The following RAD51B variants were observed in gnomAD, a reference collection of about 807,000 sequenced individuals.
The protein encoded by RAD51B is DNA repair protein RAD51 homolog 2.
In RAD51B, 38 loss-of-function variants were observed where a neutral mutation model predicts 42.2. The observed-to-expected ratio is 0.90, with a 90% confidence interval of 0.70 to 1.18. RAD51B has a LOEUF of 1.18. Ranked by LOEUF, RAD51B falls within the 50% of genes most tolerant of loss-of-function variation. The pLI, the probability that RAD51B is intolerant of heterozygous loss-of-function variation, is 0.00. For synonymous variants in RAD51B, 154 were observed against 145.2 expected, an observed-to-expected ratio of 1.06 and a Z score of -0.43; for missense variants, 373 against 400.7, an observed-to-expected ratio of 0.93 and a Z score of 0.59.
At chr14:68,203,793 T>C (rs1444990382) in intron 7 of RAD51B, among the ~76,000 whole-genome samples, 1 of 152,250 alleles carries the variant, frequency 6.6e-6, no homozygotes, top group Non-Finnish European at 1.5e-5. Flanking sequence ...TGCTTCACTT[T>C]GTATTTGTAT....
At chr14:68,505,411 G>A (rs1434550115) in intron 10 of RAD51B, among the ~76,000 whole-genome samples, 2 of 152,184 alleles carry the variant, frequency 1.3e-5, no homozygotes, top group Admixed American at 6.5e-5. Flanking sequence ...GTTCAGTGGG[G>A]CACAGTGAGA....
chr14:68,293,607 A>G (rs889439442), intron 8 of RAD51B, among the ~76,000 whole-genome samples: 1 of 152,018 alleles, frequency 6.6e-6, no homozygotes, highest in Admixed American at 6.5e-5. Context: ...GAGACAGCTC[A>G]CCTAGAACAG....
chr14:68,323,734 A>G (rs1482155284), intron 8 of RAD51B, among the ~76,000 whole-genome samples: 1 of 152,168 alleles, frequency 6.6e-6, no homozygotes, highest in African/African-American at 2.4e-5. Flanking sequence ...GGCGGAGGTT[A>G]CAGTGAGCTG....
At chr14:68,066,625 T>TA (rs2140454749) in intron 7 of RAD51B, among the ~76,000 whole-genome samples, 1 of 152,238 alleles carries the variant, frequency 6.6e-6, no homozygotes, top group South Asian at 2.1e-4. Flanking sequence ...TGTAATATGA[T>TA]AAAAACATTT....
chr14:68,166,033 C>A (rs2078742331), intron 7 of RAD51B, among the ~76,000 whole-genome samples: 2 of 151,970 alleles, frequency 1.3e-5, no homozygotes, highest in Admixed American at 6.6e-5. Context: ...CCAGTGGTAA[C>A]CTACCAATGA....
chr14:67,847,849 T>C (rs531970546), intron 4 of RAD51B, among the ~76,000 whole-genome samples: 1 of 151,958 alleles, frequency 6.6e-6, no homozygotes, highest in South Asian at 2.1e-4. Flanking sequence ...TTTTTCTGCC[T>C]TGATGATCTT....
At chr14:68,259,230 G>T (rs1025620232) in intron 7 of RAD51B, among the ~76,000 whole-genome samples, 2 of 149,484 alleles carry the variant, frequency 1.3e-5, no homozygotes. Context: ...TGATTTAAAA[G>T]CTCTCATTGT....
At chr14:68,622,162 A>G (rs1424086159) in intron 10 of RAD51B, among the ~76,000 whole-genome samples, 1 of 152,134 alleles carries the variant, frequency 6.6e-6, no homozygotes, top group Non-Finnish European at 1.5e-5. Flanking sequence ...GGCTGGAGGG[A>G]CCTTGGCAAT....
At chr14:68,272,773 C>T (rs1374751265) in intron 7 of RAD51B, among the ~76,000 whole-genome samples, 9 of 139,378 alleles carry the variant, frequency 6.5e-5, no homozygotes, top group African/African-American at 2.2e-4. Flanking sequence ...GCAGGCTCTG[C>T]CCCCGGGTTC....
chr14:68,260,742 C>T (rs1260756808), intron 7 of RAD51B, among the ~76,000 whole-genome samples: 2 of 152,100 alleles, frequency 1.3e-5, no homozygotes, highest in African/African-American at 2.4e-5. Flanking sequence ...TCTTAACTTC[C>T]TTCAGCTTAA....
At chr14:68,179,996 G>A (rs970949241) in intron 7 of RAD51B, among the ~76,000 whole-genome samples, 1 of 152,084 alleles carries the variant, frequency 6.6e-6, no homozygotes, top group Non-Finnish European at 1.5e-5. Flanking sequence ...TTTGTGTATG[G>A]GGGGAGAGGG....
chr14:68,673,643 T>A (rs1366512331), intron 11 of RAD51B, among the ~76,000 whole-genome samples: 1 of 151,546 alleles, frequency 6.6e-6, no homozygotes, highest in African/African-American at 2.4e-5. Context: ...CACATATGTA[T>A]ACATGCACAC....
intron 10 of RAD51B, among the ~76,000 whole-genome samples, chr14:68,644,639 G>A (rs1490538837): frequency 2.6e-5 from 4 of 152,214 alleles, no homozygotes; most frequent in African/African-American, 9.7e-5. Context: ...GTGAGAAGAA[G>A]TGGAATCTCT....
chr14:67,847,557 A>C (rs1480369878), intron 4 of RAD51B, among the ~76,000 whole-genome samples: 2 of 151,960 alleles, frequency 1.3e-5, no homozygotes, highest in African/African-American at 4.8e-5. Context: ...ATTCAGGAGC[A>C]AGTTGTGTCC....
chr14:68,382,071 T>C (rs1476997601), intron 8 of RAD51B, among the ~76,000 whole-genome samples: 1 of 152,230 alleles, frequency 6.6e-6, no homozygotes. Flanking sequence ...GAACAGGGAC[T>C]GGCAGAAAAC....
At chr14:68,395,932 G>C (rs944994521) in intron 8 of RAD51B, among the ~76,000 whole-genome samples, 1 of 152,186 alleles carries the variant, frequency 6.6e-6, no homozygotes, top group Admixed American at 6.5e-5. Flanking sequence ...AGCAAGACGA[G>C]TCCGTGGTAA....
At chr14:68,020,719 A>G (rs1413258526) in intron 7 of RAD51B, among the ~76,000 whole-genome samples, 1 of 152,190 alleles carries the variant, frequency 6.6e-6, no homozygotes, top group South Asian at 2.1e-4. Context: ...AATGCTACTC[A>G]ACTGTACACT....
At chr14:68,341,696 C>G (rs1253387631) in intron 8 of RAD51B, among the ~76,000 whole-genome samples, 1 of 152,150 alleles carries the variant, frequency 6.6e-6, no homozygotes, top group Non-Finnish European at 1.5e-5. Context: ...CACTTAGGAT[C>G]TCATAAGGCA....
intron 10 of RAD51B, among the ~76,000 whole-genome samples, chr14:68,521,229 A>C (rs1195007688): frequency 6.6e-6 from 1 of 152,200 alleles, no homozygotes; most frequent in Non-Finnish European, 1.5e-5. Context: ...GAAGCCATTT[A>C]CAAAGGGTAT....
Sources: allele counts gnomAD v4.1 joint callset (sites outside exome capture counted in the v4.1 genomes callset), GRCh38; gene constraint gnomAD v4.1.1; transcripts MANE v1.5; gene names NCBI Gene and HGNC (gene_info 2026-07-23, HGNC 2026-07-21).